LAMC1: variants seen among roughly 807,000 people sequenced by gnomAD.
The protein encoded by LAMC1 is laminin subunit gamma-1.
In LAMC1, 38 loss-of-function variants were observed where a neutral mutation model predicts 173.6. The observed-to-expected ratio is 0.22, with a 90% confidence interval of 0.17 to 0.29. LAMC1 has a LOEUF of 0.29. LAMC1 is among the 10% of genes least tolerant of loss of function. LAMC1 has a pLI of 1.00. For missense variants in LAMC1, 1,824 were observed against 2,051.8 expected (o/e 0.89, Z 2.14); for synonymous variants, 746 against 749.1 (o/e 1.00, Z 0.07).
intron 8 of LAMC1, 65 bp from the exon 9 acceptor site, chr1:183,117,255 A>G: frequency 1.3e-6 from 2 of 1,534,870 alleles, no homozygotes; most frequent in East Asian, 2.3e-5. Flanking sequence ...TTTATGATAC[A>G]TAGAGGACCT....
chr1:183,078,910 G>T (rs1655188017), intron 1 of LAMC1, among the ~76,000 whole-genome samples: 1 of 152,132 alleles, frequency 6.6e-6, no homozygotes, highest in South Asian at 2.1e-4. Context: ...CAGGAGAATC[G>T]CTTGAACCCA....
At chr1:183,056,386 G>A (rs866403218) in intron 1 of LAMC1, among the ~76,000 whole-genome samples, 1 of 152,066 alleles carries the variant, frequency 6.6e-6, no homozygotes, top group Admixed American at 6.5e-5. Context: ...GCCATATATG[G>A]GCTCCTCTTG....
At chr1:183,120,677 C>A (rs1215738008) in intron 11 of LAMC1, among the ~76,000 whole-genome samples, 1 of 152,142 alleles carries the variant, frequency 6.6e-6, no homozygotes, top group Non-Finnish European at 1.5e-5. Flanking sequence ...GTATCAGGGG[C>A]ACCACTGGAT....
rs922654886 is a variant in LAMC1, at chr1:183,124,675, C to T, written c.2446C>T (p.Leu816=). Reference sequence around the variant, plus strand: ...TGATGATGGCTACTTTGGAGACCCCCTGGGTAGAAACGGCCCTGTGAGACT... The same window carrying T: ...TGATGATGGCTACTTTGGAGACCCCTTGGGTAGAAACGGCCCTGTGAGACT... ...LCDDGYFGDP[L]GRNGPVRLCR... Residue 816 remains leucine, a synonymous_variant, in exon 14 of 28, where the codon CTG becomes TTG. Coordinates refer to ENST00000258341, the MANE Select transcript of LAMC1 (RefSeq NM_002293.4). 1 of 1,614,068 alleles carries T rather than the reference C, an allele frequency of 6.2e-7. No individual in the cohort carries two copies. The highest frequency in any genetic ancestry group is 1.3e-5 in the African/African-American group (1 of 74,916).
At chr1:183,069,303 G>A (rs1654950705) in intron 1 of LAMC1, among the ~76,000 whole-genome samples, 1 of 152,130 alleles carries the variant, frequency 6.6e-6, no homozygotes, top group Non-Finnish European at 1.5e-5. Flanking sequence ...GCTAATGCAT[G>A]TTTAAAGTTA....
In LAMC1 at chr1:183,127,349, G is replaced by A. The variant is rs765664758; in HGVS notation, c.3068G>A (p.Arg1023Gln). 8.1e-6 allele frequency: 13 copies of A among 1,613,984 alleles called. No individual in the cohort carries two copies. The highest frequency in any genetic ancestry group is 4.4e-5 in the South Asian group (4 of 91,078). ...DQCEENYFYN[R>Q]SWPGCQECPA... ...TGTGAAGAAAACTATTTCTACAATC[G>A]GTCTTGGCCTGGCTGCCAGGAATGT... Residue 1023 changes from arginine to glutamine, a missense_variant, in exon 17 of 28, where the codon CGG becomes CAG. Physicochemically the swap from Arg to Gln is conservative, Grantham distance 43. Coordinates refer to ENST00000258341, the MANE Select transcript of LAMC1 (RefSeq NM_002293.4).
chr1:183,136,927 T>C (rs572576173), intron 25 of LAMC1, among the ~76,000 whole-genome samples: 1 of 152,344 alleles, frequency 6.6e-6, no homozygotes, highest in East Asian at 1.9e-4. Flanking sequence ...TTTATTTCAA[T>C]ACTATGTAGT....
intron 24 of LAMC1, 80 bp downstream of exon 24, chr1:183,135,236 T>G (rs924087554): frequency 9.8e-6 from 8 of 817,036 alleles, no homozygotes; most frequent in Non-Finnish European, 1.4e-5. Context: ...TTTTACCATA[T>G]TTATTACTTC....
chr1:183,135,239 A>G (rs151011150), intron 24 of LAMC1, 83 bp downstream of exon 24: 4 of 799,098 alleles, frequency 5.0e-6, no homozygotes, highest in East Asian at 2.7e-5. Flanking sequence ...TACCATATTT[A>G]TTACTTCATC....
intron 1 of LAMC1, among the ~76,000 whole-genome samples, chr1:183,060,586 T>G (rs985803131): frequency 6.6e-6 from 1 of 152,170 alleles, no homozygotes; most frequent in African/African-American, 2.4e-5. Flanking sequence ...AATATTACAG[T>G]GCTTACTACA....
chr1:183,054,207 C>T (rs924898108), intron 1 of LAMC1, among the ~76,000 whole-genome samples: 4 of 152,180 alleles, frequency 2.6e-5, no homozygotes, highest in Non-Finnish European at 4.4e-5. Context: ...ATGTGCTATG[C>T]ATGGTGTTGA....
At chr1:183,091,037 G>T (rs1404070866) in intron 1 of LAMC1, among the ~76,000 whole-genome samples, 8 of 152,168 alleles carry the variant, frequency 5.3e-5, no homozygotes, top group Non-Finnish European at 2.9e-5. Flanking sequence ...GCTTCTTTCT[G>T]TGAAATCATA....
At chr1:183,130,242 C>G (rs758965230) in intron 18 of LAMC1, 102 bp from the exon 19 acceptor site, 25 of 1,011,990 alleles carry the variant, frequency 2.5e-5, no homozygotes, top group East Asian at 5.1e-5. Flanking sequence ...CAGAAAGTTG[C>G]GATGTTTAGA....
At chr1:183,044,350 A>G (rs1385724497) in intron 1 of LAMC1, among the ~76,000 whole-genome samples, 1 of 152,086 alleles carries the variant, frequency 6.6e-6, no homozygotes, top group Non-Finnish European at 1.5e-5. Context: ...TGCTTACTGT[A>G]TCACTCATTG....
intron 1 of LAMC1, among the ~76,000 whole-genome samples, chr1:183,063,577 T>C (rs1654792948): frequency 6.6e-6 from 1 of 152,298 alleles, no homozygotes; most frequent in East Asian, 1.9e-4. Context: ...GCAGTTGCTT[T>C]TGTAGGGGCC....
chr1:183,069,180 C>G (rs906952310), intron 1 of LAMC1, among the ~76,000 whole-genome samples: 1 of 152,164 alleles, frequency 6.6e-6, no homozygotes, highest in African/African-American at 2.4e-5. Flanking sequence ...TGTCAGGACT[C>G]TGGGTCCATT....
chr1:183,062,980 A>G (rs745445229), intron 1 of LAMC1, among the ~76,000 whole-genome samples: 5 of 152,202 alleles, frequency 3.3e-5, no homozygotes, highest in South Asian at 2.1e-4. Flanking sequence ...AAAAAGTAGT[A>G]TTACTAATCA....
At chr1:183,062,671 G>T (rs1039780624) in intron 1 of LAMC1, among the ~76,000 whole-genome samples, 5 of 151,968 alleles carry the variant, frequency 3.3e-5, no homozygotes, top group African/African-American at 1.2e-4. Context: ...TTATTTACTG[G>T]CCGGGTGCAG....
chr1:183,124,952 T>C (rs1291021288), intron 14 of LAMC1, 76 bp downstream of exon 14: 2 of 1,541,602 alleles, frequency 1.3e-6, no homozygotes, highest in South Asian at 2.4e-5. Flanking sequence ...TCTCTTAAAA[T>C]ATGTATAGTT....
Sources: allele counts gnomAD v4.1 joint callset (sites outside exome capture counted in the v4.1 genomes callset), GRCh38; gene constraint gnomAD v4.1.1; transcripts MANE v1.5; gene names NCBI Gene and HGNC (gene_info 2026-07-23, HGNC 2026-07-21).